The following PTMS variants were observed in gnomAD, a reference collection of about 807,000 sequenced individuals.
PTMS encodes parathymosin.
A neutral mutation model predicts 18.4 loss-of-function variants in PTMS; 5 were observed. That is an observed-to-expected ratio of 0.27 (90% CI 0.14 to 0.57). The LOEUF (loss-of-function observed/expected upper bound fraction) is 0.57. Among genes scored for constraint, PTMS ranks in the 20% least tolerant of loss-of-function variants. PTMS has a pLI of 0.92. For missense variants in PTMS, 93 were observed against 124.6 expected, an observed-to-expected ratio of 0.75 and a Z score of 1.21; for synonymous variants, 53 against 47.7, an observed-to-expected ratio of 1.11 and a Z score of -0.46.
In PTMS at chr12:6,770,496, TG is replaced by T. The variant is rs1411525756; in HGVS notation, c.*59del. The T allele has an allele frequency of 1.6e-6, 2 of 1,222,700 alleles. No individual in the cohort carries two copies. Among genetic ancestry groups the T allele is most frequent in the Non-Finnish European group, 2.2e-6 (2 of 892,426 alleles). The allele number at this position is 1,222,700 out of a possible 1,614,324, so 75.7% of individuals were successfully genotyped here. ...GCCTCTCTGGGCCTGGAGGTGGGGGTGGGGGCAGCCAAGTCCAGCCACTCTT... is the reference window on the plus strand; with the variant it reads ...GCCTCTCTGGGCCTGGAGGTGGGGGTGGGGCAGCCAAGTCCAGCCACTCTT... On this transcript the variant is annotated 3_prime_UTR_variant, in exon 5 of 5. Coordinates refer to ENST00000309083, the MANE Select transcript of PTMS (RefSeq NM_002824.6). The surrounding 1 kb of genome is among the most constrained non-coding windows in gnomAD (Gnocchi z 7.3).
chr12:6,766,774 C>A (rs1941771469), intron 1 of PTMS, 24 bp downstream of exon 1: 2 of 1,061,240 alleles, frequency 1.9e-6, no homozygotes, highest in Non-Finnish European at 2.3e-6. Context: ...CGGCGGCGGC[C>A]CGGACCTCGC....
intron 1 of PTMS, 97 bp downstream of exon 1, chr12:6,766,847 T>A: frequency 2.3e-6 from 2 of 855,452 alleles, no homozygotes; most frequent in Non-Finnish European, 2.8e-6. Context: ...CGCGCGGCCC[T>A]TGCGCCCGGG....
rs1275854267 is a variant in PTMS at position 6,770,611 on chromosome 12, C to A, written c.*169C>A. On this transcript the variant is annotated 3_prime_UTR_variant, in exon 5 of 5. Transcript: ENST00000309083. The surrounding 1 kb of genome is among the most constrained non-coding windows in gnomAD (Gnocchi z 7.3). ...CTCATTTCCGCCTCTCCAGACACTG[C>A]GCCCTCCACCCTCACTCTGCCATTG... 1 of 736,546 alleles carries A rather than the reference C, an allele frequency of 1.4e-6. No individual in the cohort carries two copies. The highest frequency in any genetic ancestry group is 2.6e-5 in the Admixed American group (1 of 38,508). 45.6% of individuals were successfully genotyped at this position (736,546 alleles called of 1,614,324 possible).
chr12:6,769,300 C>G, intron 1 of PTMS: 1 of 425,462 alleles, frequency 2.4e-6, no homozygotes, highest in Non-Finnish European at 4.2e-6. Flanking sequence ...CTGAGCTGAA[C>G]TCTTCAGCCA....
rs988283061 is a variant in PTMS, at chr12:6,770,080, A to G, written c.197-77A>G. ...AGTCAGGGTGGGTTTGAAGACCTGA[A>G]GCAGGGCTGAGGGCGACCACGGGGG... On this transcript the variant is annotated intron_variant, in intron 3 of 4. Transcript: ENST00000309083. This position sits in a 1 kb window ranked among gnomAD's most constrained non-coding sequence, Gnocchi z 7.3. 3.6e-5 allele frequency: 58 copies of G among 1,606,078 alleles called. No homozygotes were observed. In the East Asian group the frequency reaches 1.3e-3, roughly 36 times the overall value.
At chr12:6,769,555 G>T (rs752813922) in intron 1 of PTMS, 48 bp from the exon 2 acceptor site, 10 of 1,596,834 alleles carry the variant, frequency 6.3e-6, no homozygotes, top group Admixed American at 3.3e-5. Flanking sequence ...GGACTTAGGG[G>T]CTGCAAGCCA....
At position 6,770,495 on chromosome 12, in the gene PTMS, G is replaced by A; in HGVS notation, c.*53G>A. On this transcript the variant is annotated 3_prime_UTR_variant, in exon 5 of 5. Transcript: ENST00000309083. The surrounding 1 kb of genome is among the most constrained non-coding windows in gnomAD (Gnocchi z 7.3). ...GGCCTCTCTGGGCCTGGAGGTGGGG[G>A]TGGGGGCAGCCAAGTCCAGCCACTC... 6.3e-7 allele frequency: 1 copy of A among 1,578,064 alleles called. No homozygotes were observed. The highest frequency in any genetic ancestry group is 2.2e-5 in the East Asian group (1 of 44,514).
chr12:6,769,557 T>A (rs202102069), intron 1 of PTMS, 46 bp from the exon 2 acceptor site: 94 of 1,602,908 alleles, frequency 5.9e-5, no homozygotes, highest in Non-Finnish European at 6.3e-5. Flanking sequence ...ACTTAGGGGC[T>A]GCAAGCCATT....
At chr12:6,767,542 T>A (rs1941783223) in intron 1 of PTMS, 2 of 135,260 alleles carry the variant, frequency 1.5e-5, no homozygotes, top group South Asian at 4.7e-4. Flanking sequence ...TTTGGGAAAT[T>A]AACGCGGCCG....
chr12:6,766,568 G>C lies in PTMS; in HGVS notation c.-138G>C. 3.0e-6 allele frequency: 1 copy of C among 329,836 alleles called. No individual in the cohort carries two copies. The highest frequency in any genetic ancestry group is 2.3e-5 in the African/African-American group (1 of 43,182). The allele number at this position is 329,836 out of a possible 1,614,324, so 20.4% of individuals were successfully genotyped here. ...CTTCCAGAGACCCAGCTTGCCGAGC[G>C]GCCGCCGCTGCCGCTGTCGCCGCCG... On this transcript the variant is annotated 5_prime_UTR_variant, in exon 1 of 5. Coordinates refer to ENST00000309083, the MANE Select transcript of PTMS (RefSeq NM_002824.6).
Position 6,770,332 on chromosome 12 carries a change from G to T in PTMS, c.259-60G>T. The T allele has an allele frequency of 1.2e-6, 2 of 1,608,492 alleles. No individual in the cohort carries two copies. The highest frequency in any genetic ancestry group is 1.7e-6 in the Non-Finnish European group (2 of 1,174,950). On this transcript the variant is annotated intron_variant, in intron 4 of 4. Coordinates refer to ENST00000309083, the MANE Select transcript of PTMS (RefSeq NM_002824.6). This position sits in a 1 kb window ranked among gnomAD's most constrained non-coding sequence, Gnocchi z 7.3. ...CAGGGGTGGGGGCTGGAACAGGACC[G>T]GGACAGGGGGAGGTCTCCCCTCCCA...
At position 6,766,545 on chromosome 12, in the gene PTMS, T is replaced by C; in HGVS notation, c.-161T>C. On this transcript the variant is annotated 5_prime_UTR_variant, in exon 1 of 5. Transcript: ENST00000309083. ...CACCCCGCGCGCCTCTGCCGCCTCT[T>C]CCAGAGACCCAGCTTGCCGAGCGGC... The C allele has an allele frequency of 7.5e-6, 2 of 265,120 alleles. No homozygotes were observed. Among genetic ancestry groups the C allele is most frequent in the South Asian group, 3.6e-5 (1 of 27,878 alleles). The allele number at this position is 265,120 out of a possible 1,614,324, so 16.4% of individuals were successfully genotyped here.
In PTMS at chr12:6,770,561, C is replaced by A. The variant is rs1941825877; in HGVS notation, c.*119C>A. ...GCTCTGGGCCCTGCACCAGAGCTGCCACCCTCTTCTTTCTCCCCAGCCTTC... is the reference window on the plus strand; with the variant it reads ...GCTCTGGGCCCTGCACCAGAGCTGCAACCCTCTTCTTTCTCCCCAGCCTTC... On this transcript the variant is annotated 3_prime_UTR_variant, in exon 5 of 5. Coordinates refer to ENST00000309083, the MANE Select transcript of PTMS (RefSeq NM_002824.6). The surrounding 1 kb of genome is among the most constrained non-coding windows in gnomAD (Gnocchi z 7.3). 2 of 1,190,608 alleles carry A rather than the reference C, an allele frequency of 1.7e-6. No homozygotes were observed. The highest frequency in any genetic ancestry group is 3.8e-5 in the Admixed American group (2 of 52,174). The allele number at this position is 1,190,608 out of a possible 1,614,324, so 73.8% of individuals were successfully genotyped here. A position where few individuals can be genotyped will look rare whatever the true frequency, so the allele number is the denominator to read the frequency against.
At chr12:6,767,236 CG>C (rs1941778567) in intron 1 of PTMS, 1 of 152,094 alleles carries the variant, frequency 6.6e-6, no homozygotes, top group South Asian at 2.1e-4. Flanking sequence ...GACCGTCGCT[CG>C]CTTCTCTCCC....
chr12:6,768,785 T>G (rs975256145), intron 1 of PTMS, among the ~76,000 whole-genome samples: 1 of 151,430 alleles, frequency 6.6e-6, no homozygotes, highest in East Asian at 1.9e-4. Context: ...GGTGGGAGGG[T>G]CTCCTAGACT....
rs1464973009 is a variant in PTMS, at chr12:6,770,650, C to T, written c.*208C>T. 3.2e-6 allele frequency: 2 copies of T among 625,648 alleles called. No homozygotes were observed. Among genetic ancestry groups the T allele is most frequent in the Non-Finnish European group, 5.6e-6 (2 of 355,332 alleles). The allele number at this position is 625,648 out of a possible 1,614,324, so 38.8% of individuals were successfully genotyped here. A position where few individuals can be genotyped will look rare whatever the true frequency, so the allele number is the denominator to read the frequency against. On this transcript the variant is annotated 3_prime_UTR_variant, in exon 5 of 5. Coordinates refer to ENST00000309083, the MANE Select transcript of PTMS (RefSeq NM_002824.6). This position sits in a 1 kb window ranked among gnomAD's most constrained non-coding sequence, Gnocchi z 7.3. ...ACTCTGCCATTGTTCCACCTCCTGA[C>T]CTGCTCCATCTGAGCTCTCCAGCTG...
Position 6,769,612 on chromosome 12 carries a change from GAGA to G in PTMS, c.61_63del (p.Lys21del), listed in dbSNP as rs973805007. 8.1e-6 allele frequency: 13 copies of G among 1,614,116 alleles called. No homozygotes were observed. The highest frequency in any genetic ancestry group is 1.1e-5 in the South Asian group (1 of 91,082). ...TCTTTCTCCTTTGCAGGACCTGAAG[GAGA>G]AGAAGGAGAAGGTGGAGGAGAAGGC... On this transcript the variant is annotated inframe_deletion, in exon 2 of 5. Coordinates refer to ENST00000309083, the MANE Select transcript of PTMS (RefSeq NM_002824.6).
chr12:6,770,376 C>T lies in PTMS; in HGVS notation c.259-16C>T. The T allele has an allele frequency of 6.2e-7, 1 of 1,613,716 alleles. No individual in the cohort carries two copies. Among genetic ancestry groups the T allele is most frequent in the Non-Finnish European group, 8.5e-7 (1 of 1,179,820 alleles). ...CCTCCCATTTTACAGCTCCCCCATT[C>T]TCTCCCTCTCCACAGGATGAAGCGG... On this transcript the variant is annotated splice_polypyrimidine_tract_variant and intron_variant, in intron 4 of 4. Coordinates refer to ENST00000309083, the MANE Select transcript of PTMS (RefSeq NM_002824.6). This position sits in a 1 kb window ranked among gnomAD's most constrained non-coding sequence, Gnocchi z 7.3.
chr12:6,768,537 A>G (rs978490996), intron 1 of PTMS, among the ~76,000 whole-genome samples: 4 of 152,144 alleles, frequency 2.6e-5, no homozygotes, highest in African/African-American at 4.8e-5. Context: ...GTGATCTCAC[A>G]CAGGAGACTT....
Sources: gnomAD v4.1 joint callset for allele counts (sites outside exome capture counted in the v4.1 genomes callset) on GRCh38, gnomAD v4.1.1 for gene constraint, Gnocchi (gnomAD v3.1) non-coding constraint, MANE v1.5 for transcripts, NCBI Gene and HGNC (gene_info 2026-07-23, HGNC 2026-07-21) for gene names.